The following AGBL4 variants were observed in gnomAD, a reference collection of about 807,000 sequenced individuals.
The protein encoded by AGBL4 is AGBL carboxypeptidase 4, also known as cytosolic carboxypeptidase 6.
AGBL4 carries 58 observed loss-of-function variants against 66.4 expected under a neutral mutation model. The ratio of observed to expected loss-of-function variants is 0.87; its 90% CI spans 0.71 to 1.09. The LOEUF (loss-of-function observed/expected upper bound fraction) is 1.09. AGBL4 is among the 50% of genes least tolerant of loss of function. The pLI is 0.00. For missense variants in AGBL4, 579 were observed against 631.0 expected (o/e 0.92, Z 0.88); for synonymous variants, 234 against 222.9 (o/e 1.05, Z -0.44).
In AGBL4 at chr1:48,566,383, G is replaced by C. The variant is rs561233638; in HGVS notation, c.1267+20621C>G. On this transcript the variant is annotated intron_variant, in intron 11 of 13. Transcript: ENST00000371839. ...GATAAAATGAAACTCTCAATAAATA[G>C]TTGTTAAACTGGGCTAAATGCCATC... is the stretch of plus-strand genomic sequence containing the variant. Among the ~76,000 whole-genome samples the C allele has an allele frequency of 2.0e-4, 31 of 152,324 alleles. No homozygotes were observed. The South Asian group carries it at 6.0e-3, about 29-fold the overall frequency.
intron 3 of AGBL4, among the ~76,000 whole-genome samples, chr1:49,543,694 G>A (rs1652247502): frequency 6.6e-6 from 1 of 152,106 alleles, no homozygotes; most frequent in East Asian, 1.9e-4. Context: ...TCTCCTTCAG[G>A]TTGCCACATA....
At chr1:49,004,490 C>T (rs1006036434) in intron 5 of AGBL4, among the ~76,000 whole-genome samples, 1 of 152,290 alleles carries the variant, frequency 6.6e-6, no homozygotes, top group East Asian at 1.9e-4. Flanking sequence ...TATGTCGCAG[C>T]CCCTATGGTA....
intron 9 of AGBL4, among the ~76,000 whole-genome samples, chr1:48,595,861 C>T (rs1246755925): frequency 1.3e-5 from 2 of 152,204 alleles, no homozygotes; most frequent in African/African-American, 2.4e-5. Flanking sequence ...ATTTCGGCAG[C>T]ACTTCGGAGT....
At chr1:48,981,282 C>A (rs1659744495) in intron 5 of AGBL4, among the ~76,000 whole-genome samples, 1 of 152,134 alleles carries the variant, frequency 6.6e-6, no homozygotes, top group African/African-American at 2.4e-5. Flanking sequence ...TTATCTATTT[C>A]TGCACATGAT....
intron 3 of AGBL4, among the ~76,000 whole-genome samples, chr1:49,267,661 C>G (rs554268350): frequency 2.0e-5 from 3 of 151,568 alleles, no homozygotes; most frequent in African/African-American, 7.3e-5. Context: ...GCCTGGGCAA[C>G]GGAGCGAGAC....
chr1:49,574,077 G>C (rs12096151), intron 3 of AGBL4, among the ~76,000 whole-genome samples: 10 of 152,178 alleles, frequency 6.6e-5, no homozygotes, highest in Non-Finnish European at 1.2e-4. Flanking sequence ...ACCGCTGTTT[G>C]CTTCTAGACC....
chr1:49,372,667 CTTTCTT>C (rs1644386562), intron 3 of AGBL4, among the ~76,000 whole-genome samples: 1 of 74,432 alleles, frequency 1.3e-5, no homozygotes, highest in African/African-American at 4.8e-5. Context: ...TTCTTTCTTT[CTTTCTT>C]TCTTTCTCTT....
chr1:49,806,892 C>A (rs1644987203), intron 2 of AGBL4, among the ~76,000 whole-genome samples: 1 of 152,118 alleles, frequency 6.6e-6, no homozygotes, highest in Non-Finnish European at 1.5e-5. Flanking sequence ...TCCAGTGGGC[C>A]CAGGTGTGGT....
At chr1:48,863,956 A>G (rs559387323) in intron 6 of AGBL4, among the ~76,000 whole-genome samples, 1 of 152,126 alleles carries the variant, frequency 6.6e-6, no homozygotes, top group Non-Finnish European at 1.5e-5. Flanking sequence ...ACATAAAAAA[A>G]TTTTTTAAAA....
chr1:49,056,018 A>G (rs1490833126), intron 4 of AGBL4, among the ~76,000 whole-genome samples: 1 of 152,128 alleles, frequency 6.6e-6, no homozygotes, highest in East Asian at 1.9e-4. Context: ...ACCTGATTAA[A>G]ATTAATCTCC....
At chr1:48,617,661 TG>T (rs1645341758) in intron 9 of AGBL4, among the ~76,000 whole-genome samples, 1 of 152,194 alleles carries the variant, frequency 6.6e-6, no homozygotes, top group Non-Finnish European at 1.5e-5. Flanking sequence ...ACCTTTTTTC[TG>T]TCCTACGGGC....
At chr1:49,874,322 A>G (rs1162459434) in intron 1 of AGBL4, among the ~76,000 whole-genome samples, 1 of 152,118 alleles carries the variant, frequency 6.6e-6, no homozygotes, top group African/African-American at 2.4e-5. Context: ...TCTAAACCAT[A>G]AAAGAAGTGG....
chr1:48,745,344 G>A (rs1406652430), intron 6 of AGBL4, among the ~76,000 whole-genome samples: 5 of 152,152 alleles, frequency 3.3e-5, no homozygotes, highest in African/African-American at 1.2e-4. Context: ...CTGTTAAGTT[G>A]AAATCAGAAG....
At chr1:48,835,687 A>G (rs1242337581) in intron 6 of AGBL4, among the ~76,000 whole-genome samples, 2 of 152,190 alleles carry the variant, frequency 1.3e-5, no homozygotes, top group African/African-American at 4.8e-5. Flanking sequence ...ACAATCAAAA[A>G]TAATCTAACT....
chr1:48,849,308 A>G (rs1646983306), intron 6 of AGBL4, among the ~76,000 whole-genome samples: 1 of 152,220 alleles, frequency 6.6e-6, no homozygotes. Context: ...ATGTATAAAG[A>G]GTGCATACAA....
At chr1:49,510,801 T>C (rs1247434025) in intron 3 of AGBL4, among the ~76,000 whole-genome samples, 2 of 151,058 alleles carry the variant, frequency 1.3e-5, no homozygotes, top group Non-Finnish European at 3.0e-5. Context: ...TTTCTACATA[T>C]GGCTAGCCAG....
intron 5 of AGBL4, among the ~76,000 whole-genome samples, chr1:48,974,969 T>TC (rs1659198009): frequency 6.6e-6 from 1 of 152,138 alleles, no homozygotes; most frequent in African/African-American, 2.4e-5. Context: ...CTCTTGATTA[T>TC]CTTGACTCCC....
intron 6 of AGBL4, among the ~76,000 whole-genome samples, chr1:48,680,706 C>T (rs1257341274): frequency 1.3e-5 from 2 of 152,246 alleles, no homozygotes; most frequent in African/African-American, 4.8e-5. Context: ...GGGGATTTGG[C>T]ACCCAAGGCT....
intron 4 of AGBL4, among the ~76,000 whole-genome samples, chr1:49,146,153 A>C (rs1324474140): frequency 3.3e-5 from 5 of 152,160 alleles, no homozygotes; most frequent in African/African-American, 1.2e-4. Flanking sequence ...GTCAATGGGT[A>C]CAAAAAACAA....
Sources: gnomAD v4.1 joint callset for allele counts (sites outside exome capture counted in the v4.1 genomes callset) on GRCh38, gnomAD v4.1.1 for gene constraint, MANE v1.5 for transcripts, NCBI Gene and HGNC (gene_info 2026-07-23, HGNC 2026-07-21) for gene names.